CHSY1: variants seen among roughly 807,000 people sequenced by gnomAD.
The protein encoded by CHSY1 is N-acetylgalactosaminyl-proteoglycan 3-beta-glucuronosyltransferase 1.
Under a neutral mutation model 59.8 loss-of-function variants are expected in CHSY1, and 13 were observed. The ratio of observed to expected loss-of-function variants is 0.22; its 90% confidence interval spans 0.14 to 0.35. The LOEUF (loss-of-function observed/expected upper bound fraction) is 0.35, where lower values mean the gene tolerates loss of function less well. Among genes scored for constraint, CHSY1 ranks in the 10% least tolerant of loss-of-function variants. The pLI is 1.00. For synonymous variants in CHSY1, 459 were observed against 401.2 expected (o/e 1.14, Z -1.72); for missense variants, 947 against 1,030.6 (o/e 0.92, Z 1.11).
chr15:101,178,217 T>C lies in CHSY1; in HGVS notation c.1580A>G (p.Lys527Arg). ...GTTTATCTTTTTATCTTTGGGTTCT[T>C]TGTGCTCACTCTTCGACCCAGGGAG... ...FQLPGSKSEH[K>R]EPKDKKINIL... is the part of the protein sequence containing the mutation. The change falls in exon 3 of 3, where the codon AAA (lysine) becomes AGA (arginine). Residue 527 changes from lysine (K) to arginine (R), a missense_variant. By Grantham distance (26) the Lys-to-Arg change is conservative. Transcript: ENST00000254190. 6.2e-7 allele frequency: 1 copy of C among 1,614,244 alleles called. No homozygotes were observed. The highest frequency in any genetic ancestry group is 8.5e-7 in the Non-Finnish European group (1 of 1,180,038).
chr15:101,228,904 A>C (rs1413884448), intron 2 of CHSY1, among the ~76,000 whole-genome samples: 1 of 152,212 alleles, frequency 6.6e-6, no homozygotes, highest in African/African-American at 2.4e-5. Context: ...ATTATTATAA[A>C]TCTCTGTTGA....
At chr15:101,201,179 C>T (rs924157666) in intron 2 of CHSY1, among the ~76,000 whole-genome samples, 3 of 152,316 alleles carry the variant, frequency 2.0e-5, no homozygotes, top group Admixed American at 6.5e-5. Flanking sequence ...TCCTTTAATT[C>T]CTCTTAGAGA....
Position 101,177,605 on chromosome 15 carries a change from C to T in CHSY1, c.2192G>A (p.Gly731Asp), listed in dbSNP as rs1596418012. Reference sequence around the variant, plus strand: ...TTCCTGGCTCCTAAACGTCTTCAAACCTGCCTGGACAACCTTGTTGAAAAG... The same window carrying T: ...TTCCTGGCTCCTAAACGTCTTCAAATCTGCCTGGACAACCTTGTTGAAAAG... ...VDLFNKVVQA[G>D]LKTFRSQEVG... Residue 731 changes from glycine to aspartate, a missense_variant, in exon 3 of 3, where the codon GGT becomes GAT. Physicochemically the swap from Gly to Asp is moderately conservative, Grantham distance 94 (BLOSUM62 -1). Coordinates refer to ENST00000254190, the MANE Select transcript of CHSY1 (RefSeq NM_014918.5). The T allele has an allele frequency of 1.9e-6, 3 of 1,614,204 alleles. No homozygotes were observed. Among genetic ancestry groups the T allele is most frequent in the Non-Finnish European group, 8.5e-7 (1 of 1,180,026 alleles).
chr15:101,245,266 C>T (rs547614719), intron 1 of CHSY1, among the ~76,000 whole-genome samples: 2 of 152,314 alleles, frequency 1.3e-5, no homozygotes, highest in Admixed American at 1.3e-4. Context: ...CTGGCCTTTC[C>T]CATCGCTCCT....
chr15:101,242,791 T>C (rs555798507), intron 1 of CHSY1, among the ~76,000 whole-genome samples: 1 of 152,196 alleles, frequency 6.6e-6, no homozygotes, highest in South Asian at 2.1e-4. Context: ...CTGCAGCAAA[T>C]GCATTCAGCT....
intron 2 of CHSY1, among the ~76,000 whole-genome samples, chr15:101,187,138 A>G (rs1285347577): frequency 6.6e-6 from 1 of 152,242 alleles, no homozygotes; most frequent in Non-Finnish European, 1.5e-5. Flanking sequence ...GATTCTTAAC[A>G]GTTCATTTTA....
chr15:101,209,543 T>A (rs1253176759), intron 2 of CHSY1, among the ~76,000 whole-genome samples: 1 of 152,160 alleles, frequency 6.6e-6, no homozygotes, highest in Non-Finnish European at 1.5e-5. Flanking sequence ...CTTCAGAGAC[T>A]GGAAATTGTG....
At chr15:101,191,125 T>G (rs934181740) in intron 2 of CHSY1, among the ~76,000 whole-genome samples, 2 of 152,254 alleles carry the variant, frequency 1.3e-5, no homozygotes, top group African/African-American at 4.8e-5. Context: ...TATGGGCGTT[T>G]CCAGCACTTT....
chr15:101,250,682 G>C (rs947971508), intron 1 of CHSY1, among the ~76,000 whole-genome samples: 2 of 152,214 alleles, frequency 1.3e-5, no homozygotes, highest in East Asian at 3.9e-4. Context: ...GATGTGGAAA[G>C]GTTCTAGAAC....
chr15:101,209,473 T>C (rs151030223), intron 2 of CHSY1, among the ~76,000 whole-genome samples: 47 of 152,284 alleles, frequency 3.1e-4, no homozygotes, highest in Admixed American at 8.5e-4. Flanking sequence ...TATATACCTG[T>C]ATGCCGTGAA....
chr15:101,241,796 A>T (rs551559628), intron 1 of CHSY1, among the ~76,000 whole-genome samples: 20 of 152,272 alleles, frequency 1.3e-4, no homozygotes, highest in Admixed American at 2.6e-4. Context: ...CTCTCTGTAG[A>T]ACTGATGGAT....
At chr15:101,182,780 C>A (rs1158643559) in intron 2 of CHSY1, among the ~76,000 whole-genome samples, 1 of 152,206 alleles carries the variant, frequency 6.6e-6, no homozygotes, top group Non-Finnish European at 1.5e-5. Context: ...ACAGCAAAGA[C>A]ACTAGTTTTA....
intron 2 of CHSY1, among the ~76,000 whole-genome samples, chr15:101,196,914 T>C (rs1168307919): frequency 1.3e-5 from 2 of 152,248 alleles, no homozygotes; most frequent in Non-Finnish European, 2.9e-5. Context: ...ATTGGCTGTA[T>C]GTGACCCCAG....
intron 2 of CHSY1, among the ~76,000 whole-genome samples, chr15:101,214,950 T>C (rs527325574): frequency 7.2e-5 from 11 of 152,336 alleles, no homozygotes; most frequent in Non-Finnish European, 1.3e-4. Context: ...TGCTGTTCTC[T>C]TGACAGTGAG....
Position 101,177,382 on chromosome 15 carries a change from T to G in CHSY1, c.*6A>C, listed in dbSNP as rs766298962. Reference sequence around the variant, plus strand: ...TTAAAAACGTCTTTTCCAGCAAAGCTGGACATTAGGCTGTCCTCACTGAGC... The same window carrying G: ...TTAAAAACGTCTTTTCCAGCAAAGCGGGACATTAGGCTGTCCTCACTGAGC... On this transcript the variant is annotated 3_prime_UTR_variant, in exon 3 of 3. Transcript: ENST00000254190. 6.3e-7 allele frequency: 1 copy of G among 1,599,742 alleles called. No individual in the cohort carries two copies. Among genetic ancestry groups the G allele is most frequent in the Middle Eastern group, 1.7e-4 (1 of 5,990 alleles).
intron 1 of CHSY1, among the ~76,000 whole-genome samples, chr15:101,249,362 C>T (rs8025126): frequency 0.42 from 62,911 of 148,988 alleles, 15,448 homozygotes; most frequent in African/African-American, 0.7. Flanking sequence ...CCTCGATTTC[C>T]GATACGGCTG....
At chr15:101,200,993 C>T (rs541528253) in intron 2 of CHSY1, among the ~76,000 whole-genome samples, 131 of 152,280 alleles carry the variant, frequency 8.6e-4, no homozygotes, top group African/African-American at 2.8e-3. Context: ...AATCCTGTCC[C>T]CCTTCCCTGC....
chr15:101,218,273 A>G (rs1039183734), intron 2 of CHSY1, among the ~76,000 whole-genome samples: 1 of 152,214 alleles, frequency 6.6e-6, no homozygotes, highest in East Asian at 1.9e-4. Context: ...TAAAGTATAG[A>G]TTTTTATCTT....
chr15:101,242,991 C>CT (rs1192924683), intron 1 of CHSY1, among the ~76,000 whole-genome samples: 3 of 152,298 alleles, frequency 2.0e-5, no homozygotes, highest in Admixed American at 1.3e-4. Context: ...AATTATACTC[C>CT]TTACTGTCCA....
Sources: allele counts gnomAD v4.1 joint callset (sites outside exome capture counted in the v4.1 genomes callset), GRCh38; gene constraint gnomAD v4.1.1; transcripts MANE v1.5; gene names NCBI Gene and HGNC (gene_info 2026-07-23, HGNC 2026-07-21).